The following DNAJC5B variants were observed in gnomAD, a reference collection of about 807,000 sequenced individuals.
DNAJC5B encodes dnaJ homolog subfamily C member 5B.
A neutral mutation model predicts 24.7 loss-of-function variants in DNAJC5B; 23 were observed. That is an observed-to-expected ratio of 0.93 (90% CI 0.67 to 1.32). The LOEUF is 1.32. Among genes scored for constraint, DNAJC5B ranks in the 40% most tolerant of loss-of-function variants. The pLI is 0.00. For synonymous variants in DNAJC5B, 101 were observed against 90.1 expected, an observed-to-expected ratio of 1.12 and a Z score of -0.68; for missense variants, 238 against 240.8, an observed-to-expected ratio of 0.99 and a Z score of 0.08.
In DNAJC5B at chr8:66,100,404, T is replaced by C. The variant is rs185563210; in HGVS notation, c.*373T>C. On this transcript the variant is annotated 3_prime_UTR_variant, in exon 6 of 6. Coordinates refer to ENST00000276570, the MANE Select transcript of DNAJC5B (RefSeq NM_033105.6). ...GCCACTTTTCTTACATTTAACACAA[T>C]ATTCATATCTACCACGAACATGATC... 2 of 159,274 alleles carry C rather than the reference T, an allele frequency of 1.3e-5. No homozygotes were observed. Among genetic ancestry groups the C allele is most frequent in the Admixed American group, 6.3e-5 (1 of 15,828 alleles). The allele number at this position is 159,274 out of a possible 1,614,324, so 9.9% of individuals were successfully genotyped here. A position where few individuals can be genotyped will look rare whatever the true frequency, so the allele number is the denominator to read the frequency against.
At chr8:66,091,779 T>G (rs1368860199) in intron 5 of DNAJC5B, among the ~76,000 whole-genome samples, 1 of 151,998 alleles carries the variant, frequency 6.6e-6, no homozygotes, top group East Asian at 1.9e-4. Flanking sequence ...AGAGACTCCA[T>G]GGTGAAAAAT....
At chr8:66,042,125 C>T (rs977384481) in intron 1 of DNAJC5B, among the ~76,000 whole-genome samples, 2 of 152,158 alleles carry the variant, frequency 1.3e-5, no homozygotes, top group Non-Finnish European at 2.9e-5. Flanking sequence ...TTTGATTGCT[C>T]ACTGCCTGTC....
rs77992487 is a variant in DNAJC5B at position 66,076,530 on chromosome 8, A to G, written c.120-130A>G. The G allele has an allele frequency of 6.4e-4, 608 of 953,534 alleles. 3 individuals are homozygous for G. In the African/African-American group the frequency reaches 7.0e-3, roughly 11 times the overall value. 59.1% of individuals were successfully genotyped at this position (953,534 alleles called of 1,614,324 possible). A position where few individuals can be genotyped will look rare whatever the true frequency, so the allele number is the denominator to read the frequency against. On this transcript the variant is annotated intron_variant, in intron 3 of 5. Transcript: ENST00000276570. ...GAAAATGTACTTGTTAATCACCGCTAGTCTGAAACTCACCATTTCACAGTA... is the reference window on the plus strand; with the variant it reads ...GAAAATGTACTTGTTAATCACCGCTGGTCTGAAACTCACCATTTCACAGTA...
At chr8:66,030,541 C>A (rs1033698834) in intron 1 of DNAJC5B, among the ~76,000 whole-genome samples, 1 of 152,186 alleles carries the variant, frequency 6.6e-6, no homozygotes, top group African/African-American at 2.4e-5. Flanking sequence ...CACCACTGCC[C>A]CCTTCCTCTA....
intron 1 of DNAJC5B, among the ~76,000 whole-genome samples, chr8:66,033,949 G>T (rs1015725129): frequency 1.3e-5 from 2 of 152,106 alleles, no homozygotes; most frequent in Non-Finnish European, 2.9e-5. Context: ...TAAAATCACT[G>T]CAACGCTTGA....
upstream of DNAJC5B, among the ~76,000 whole-genome samples, chr8:66,020,792 T>A (rs1465668658): frequency 6.6e-6 from 1 of 152,110 alleles, no homozygotes; most frequent in Admixed American, 6.6e-5. Context: ...CACGCACAAC[T>A]ACGCCCAGCT....
At chr8:66,056,224 G>A in intron 3 of DNAJC5B, among the ~76,000 whole-genome samples, 1 of 152,200 alleles carries the variant, frequency 6.6e-6, no homozygotes, top group African/African-American at 2.4e-5. Context: ...AAGGCATCCA[G>A]GTAGTCTCAT....
intron 3 of DNAJC5B, among the ~76,000 whole-genome samples, chr8:66,056,263 C>T (rs887924517): frequency 5.9e-5 from 9 of 152,118 alleles, no homozygotes; most frequent in Admixed American, 5.2e-4. Flanking sequence ...AGAAGTCCTG[C>T]CAACAACATT....
chr8:66,082,988 A>ATTTTCTTTTC (rs1301014918), intron 5 of DNAJC5B, among the ~76,000 whole-genome samples: 1 of 98,058 alleles, frequency 1.0e-5, no homozygotes, highest in Admixed American at 9.7e-5. Context: ...ATTTTGTAAT[A>ATTTTCTTTTC]TTTTCTTTTC....
In DNAJC5B at chr8:66,076,726, A is replaced by G; in HGVS notation, c.186A>G (p.Lys62=). The G allele has an allele frequency of 6.2e-7, 1 of 1,614,200 alleles. No homozygotes were observed. The highest frequency in any genetic ancestry group is 8.5e-7 in the Non-Finnish European group (1 of 1,180,024). ...PDDPAATEKF[K]EINNAHAILT... ...ATCCAGCTGCTACTGAGAAGTTTAA[A>G]GAAATCAACAACGCCCACGCAATAC... The change falls in exon 4 of 6, where the codon AAA becomes AAG. Residue 62 remains lysine, a synonymous_variant. Transcript: ENST00000276570.
chr8:66,064,821 G>A (rs1472642399), intron 3 of DNAJC5B, among the ~76,000 whole-genome samples: 2 of 152,138 alleles, frequency 1.3e-5, no homozygotes, highest in East Asian at 1.9e-4. Flanking sequence ...AGTGCCTTAT[G>A]ATTGGTGTTG....
intron 5 of DNAJC5B, among the ~76,000 whole-genome samples, chr8:66,094,599 C>T (rs544026580): frequency 6.6e-6 from 1 of 152,060 alleles, no homozygotes; most frequent in Admixed American, 6.5e-5. Flanking sequence ...TGATTCTTCC[C>T]CTCCATCTCT....
At chr8:66,060,837 C>G (rs1807065322) in intron 3 of DNAJC5B, among the ~76,000 whole-genome samples, 1 of 152,312 alleles carries the variant, frequency 6.6e-6, no homozygotes, top group South Asian at 2.1e-4. Flanking sequence ...TTGAGCACCG[C>G]CTCTGTGTTG....
At chr8:66,090,219 T>C (rs1450825795) in intron 5 of DNAJC5B, among the ~76,000 whole-genome samples, 1 of 151,210 alleles carries the variant, frequency 6.6e-6, no homozygotes, top group Non-Finnish European at 1.5e-5. Context: ...CATGGGACAA[T>C]GTATGTGTAT....
At chr8:66,051,762 C>T (rs750724748) in intron 3 of DNAJC5B, 96 bp downstream of exon 3, 102 of 882,180 alleles carry the variant, frequency 1.2e-4, no homozygotes, top group Admixed American at 7.2e-4. Context: ...TCACTAAGAC[C>T]AGTAATCCAA....
chr8:66,060,045 T>A (rs940403286), intron 3 of DNAJC5B, among the ~76,000 whole-genome samples: 1 of 152,212 alleles, frequency 6.6e-6, no homozygotes, highest in East Asian at 1.9e-4. Context: ...GGATGGCTCC[T>A]TTCCTCCTCT....
intron 1 of DNAJC5B, among the ~76,000 whole-genome samples, chr8:66,035,138 C>T (rs1281349142): frequency 6.6e-6 from 1 of 152,194 alleles, no homozygotes; most frequent in African/African-American, 2.4e-5. Context: ...TGAAATAGGC[C>T]TCGAAGGGAA....
chr8:66,064,020 G>T (rs910638942), intron 3 of DNAJC5B, among the ~76,000 whole-genome samples: 1 of 152,084 alleles, frequency 6.6e-6, no homozygotes, highest in East Asian at 1.9e-4. Context: ...CATCTTCTTG[G>T]GGGTGAAACA....
chr8:66,053,167 A>AT (rs1554587654), intron 3 of DNAJC5B, among the ~76,000 whole-genome samples: 1 of 152,130 alleles, frequency 6.6e-6, no homozygotes, highest in East Asian at 1.9e-4. Context: ...TGAACCCCTG[A>AT]TTCAAGTAAT....
Sources: allele counts gnomAD v4.1 joint callset (sites outside exome capture counted in the v4.1 genomes callset), GRCh38; gene constraint gnomAD v4.1.1; transcripts MANE v1.5; gene names NCBI Gene and HGNC (gene_info 2026-07-23, HGNC 2026-07-21).